The following RBFOX1 variants were observed in gnomAD, a reference collection of about 807,000 sequenced individuals.
RBFOX1 encodes the protein RNA binding fox-1 homolog 1, also known as RNA binding protein fox-1 homolog 1.
In RBFOX1, 8 loss-of-function variants were observed where a neutral mutation model predicts 57.7. The ratio of observed to expected loss-of-function variants is 0.14; its 90% CI spans 0.08 to 0.25. RBFOX1 has a LOEUF of 0.25. Ranked by LOEUF, RBFOX1 falls within the 10% of genes least tolerant of loss-of-function variation. The pLI is 1.00. For missense variants in RBFOX1, 611 were observed against 548.5 expected, an observed-to-expected ratio of 1.11 and a Z score of -1.14; for synonymous variants, 326 against 222.4, an observed-to-expected ratio of 1.47 and a Z score of -4.15.
intron 4 of RBFOX1, among the ~76,000 whole-genome samples, chr16:7,461,952 G>C (rs1472326788): frequency 1.3e-5 from 2 of 152,180 alleles, no homozygotes; most frequent in African/African-American, 2.4e-5. Context: ...TAATTTTTCA[G>C]CCTCCTGTGA....
intron 2 of RBFOX1, among the ~76,000 whole-genome samples, chr16:6,428,575 A>T (rs1385552361): frequency 6.6e-6 from 1 of 152,132 alleles, no homozygotes; most frequent in Non-Finnish European, 1.5e-5. Flanking sequence ...TAGGGTTGTT[A>T]TGGTGATTCT....
At chr16:6,013,369 G>A (rs72770999) in intron 4 of RBFOX1, among the ~76,000 whole-genome samples, 79 of 152,304 alleles carry the variant, frequency 5.2e-4, no homozygotes, top group Non-Finnish European at 1.0e-3. Flanking sequence ...TGTTTCCAAA[G>A]TGTTCTTTAT....
chr16:6,014,950 G>C (rs1047113515), upstream of RBFOX1, among the ~76,000 whole-genome samples: 2 of 151,536 alleles, frequency 1.3e-5, no homozygotes, highest in African/African-American at 4.9e-5. Flanking sequence ...CAAGCTCCCA[G>C]GCTTAAGCAA....
intron 3 of RBFOX1, among the ~76,000 whole-genome samples, chr16:6,684,959 C>G (rs1261986595): frequency 1.3e-5 from 2 of 152,116 alleles, no homozygotes; most frequent in African/African-American, 2.4e-5. Context: ...TTCAATTAAT[C>G]TCTTTGGCAG....
chr16:5,652,821 T>C (rs989633909), intron 3 of RBFOX1, among the ~76,000 whole-genome samples: 6 of 152,232 alleles, frequency 3.9e-5, no homozygotes, highest in Non-Finnish European at 8.8e-5. Flanking sequence ...TCAGCCACCT[T>C]ATCTTTGTAA....
chr16:7,091,628 C>T (rs1200445232), intron 4 of RBFOX1, among the ~76,000 whole-genome samples: 1 of 152,206 alleles, frequency 6.6e-6, no homozygotes, highest in Non-Finnish European at 1.5e-5. Flanking sequence ...AACTCCACCA[C>T]CCAGACAGCT....
chr16:7,060,174 C>T (rs903525401), intron 4 of RBFOX1, among the ~76,000 whole-genome samples: 25 of 152,128 alleles, frequency 1.6e-4, no homozygotes, highest in Admixed American at 1.6e-3. Flanking sequence ...GCCATAGGGT[C>T]TCCATTGCCC....
chr16:5,776,340 T>C (rs775019120), intron 3 of RBFOX1, among the ~76,000 whole-genome samples: 3 of 152,208 alleles, frequency 2.0e-5, no homozygotes, highest in Non-Finnish European at 2.9e-5. Context: ...GTGTTCTTTT[T>C]TGGCACAGAG....
At chr16:6,277,189 A>C (rs888246094) in intron 1 of RBFOX1, among the ~76,000 whole-genome samples, 1 of 152,284 alleles carries the variant, frequency 6.6e-6, no homozygotes, top group South Asian at 2.1e-4. Flanking sequence ...AGCTGGGCAC[A>C]GTGGCTCACA....
intron 2 of RBFOX1, among the ~76,000 whole-genome samples, chr16:5,590,729 G>A (rs555203615): frequency 5.7e-4 from 87 of 152,278 alleles, no homozygotes; most frequent in Non-Finnish European, 9.9e-4. Flanking sequence ...TTTAATGTTC[G>A]CAGATGCTTC....
chr16:6,386,657 T>C (rs1199487953), intron 2 of RBFOX1, among the ~76,000 whole-genome samples: 1 of 152,256 alleles, frequency 6.6e-6, no homozygotes, highest in African/African-American at 2.4e-5. Context: ...GAAGTTCTTT[T>C]AGTATCTCCA....
intron 10 of RBFOX1, among the ~76,000 whole-genome samples, chr16:7,618,977 A>G (rs2058888927): frequency 6.6e-6 from 1 of 152,238 alleles, no homozygotes; most frequent in African/African-American, 2.4e-5. Context: ...ATCAGCCAGA[A>G]TTAATTATGC....
At chr16:7,332,571 T>C (rs890334540) in intron 4 of RBFOX1, among the ~76,000 whole-genome samples, 2 of 152,150 alleles carry the variant, frequency 1.3e-5, no homozygotes, top group African/African-American at 4.8e-5. Flanking sequence ...AAAAATCCCA[T>C]GTAGACCCCA....
At chr16:7,054,578 A>G (rs985247150) in intron 4 of RBFOX1, among the ~76,000 whole-genome samples, 1 of 150,790 alleles carries the variant, frequency 6.6e-6, no homozygotes, top group South Asian at 2.1e-4. Context: ...TCTGAAAGGA[A>G]TTTAGAACTG....
chr16:6,817,603 G>A lies in RBFOX1; in HGVS notation c.-16+162953G>A, dbSNP rs139373162. On this transcript the variant is annotated intron_variant, in intron 3 of 15. Transcript: ENST00000550418. ...TGCGTGTAATTGCAGCTACTCGGGA[G>A]GCTGAGGCAAGAGAATCACTTGAAC... Among the ~76,000 whole-genome samples, 9 of 151,712 alleles carry A rather than the reference G, an allele frequency of 5.9e-5. No homozygotes were observed. In the East Asian group the frequency reaches 1.7e-3, roughly 29 times the overall value.
rs141195404 is a variant in RBFOX1 at position 7,516,165 on chromosome 16, C to G, written c.28-1982C>G. On this transcript the variant is annotated intron_variant, in intron 4 of 15. Coordinates refer to ENST00000550418, the MANE Select transcript of RBFOX1 (RefSeq NM_018723.4). ...CACCCTAAGTGTCAGTTCTTGGCAG[C>G]TCCAGGCTTATGATGTTTTTACAGC... Among the ~76,000 whole-genome samples the G allele has an allele frequency of 2.9e-3, 442 of 152,218 alleles. 2 individuals are homozygous for G. The highest frequency in any genetic ancestry group is 0.021 in the Middle Eastern group (6 of 292).
chr16:6,811,109 T>C (rs936903627), intron 3 of RBFOX1, among the ~76,000 whole-genome samples: 1 of 152,190 alleles, frequency 6.6e-6, no homozygotes, highest in African/African-American at 2.4e-5. Flanking sequence ...GATACCTTGA[T>C]AGAAAAGCCG....
chr16:6,347,160 A>G (rs567489514), intron 2 of RBFOX1, among the ~76,000 whole-genome samples: 77 of 152,204 alleles, frequency 5.1e-4, no homozygotes, highest in Non-Finnish European at 1.9e-4. Flanking sequence ...GGAATGGGCA[A>G]TAAAGCCATT....
intron 3 of RBFOX1, among the ~76,000 whole-genome samples, chr16:6,945,018 TTCTTA>T (rs1393911862): frequency 1.3e-5 from 2 of 152,134 alleles, no homozygotes; most frequent in East Asian, 3.9e-4. Flanking sequence ...GCAGCTCTTC[TTCTTA>T]TCTTAACATT....
Sources: allele counts gnomAD v4.1 joint callset (sites outside exome capture counted in the v4.1 genomes callset), GRCh38; gene constraint gnomAD v4.1.1; transcripts MANE v1.5; gene names NCBI Gene and HGNC (gene_info 2026-07-23, HGNC 2026-07-21).